Variants in KAZN observed in about 807,000 individuals in gnomAD.
The protein encoded by KAZN is kazrin.
A neutral mutation model predicts 87.4 loss-of-function variants in KAZN; 40 were observed. That is an observed-to-expected ratio of 0.46 (90% CI 0.36 to 0.60). The LOEUF (loss-of-function observed/expected upper bound fraction) is 0.60. KAZN is among the 20% of genes least tolerant of loss of function. The pLI, the probability that KAZN is intolerant of heterozygous loss-of-function variation, is 0.00. For synonymous variants in KAZN, 466 were observed against 458.3 expected, an observed-to-expected ratio of 1.02 and a Z score of -0.22; for missense variants, 898 against 1,073.9, an observed-to-expected ratio of 0.84 and a Z score of 2.29.
chr1:14,190,293 A>C (rs913395975), intron 2 of KAZN, among the ~76,000 whole-genome samples: 1 of 152,188 alleles, frequency 6.6e-6, no homozygotes, highest in Non-Finnish European at 1.5e-5. Flanking sequence ...TTGAGTACTT[A>C]CTAGACGCCA....
In KAZN at chr1:14,323,760, G is replaced by C. The variant is rs1656212009; in HGVS notation, c.249+143168G>C. On this transcript the variant is annotated intron_variant, in intron 2 of 16. Transcript: ENST00000636203. Reference sequence around the variant, plus strand: ...GATTTGCTGGACCACATCTTGGCAGGATCTTTATTAGAGATTCCTTAATCC... The same window carrying C: ...GATTTGCTGGACCACATCTTGGCAGCATCTTTATTAGAGATTCCTTAATCC... 2.0e-5 allele frequency among the ~76,000 whole-genome samples: 3 copies of C among 152,142 alleles called. No individual in the cohort carries two copies. In the South Asian group the frequency reaches 6.2e-4, roughly 31 times the overall value.
intron 2 of KAZN, among the ~76,000 whole-genome samples, chr1:14,550,700 C>T (rs1673443071): frequency 8.8e-6 from 1 of 113,240 alleles, no homozygotes; most frequent in Non-Finnish European, 1.8e-5. Context: ...CCTCTCTCCT[C>T]TTTTCTCTCT....
Position 15,056,124 on chromosome 1 carries a change from G to A in KAZN, c.760G>A (p.Val254Ile), listed in dbSNP as rs774659506. Residue 254 changes from valine (V) to isoleucine (I), a missense_variant, in exon 5 of 15, where the codon GTC becomes ATC. Coordinates refer to ENST00000376030, the MANE Select transcript of KAZN (RefSeq NM_201628.3). This position sits in a 1 kb window ranked among gnomAD's most constrained non-coding sequence, Gnocchi z 5.4. Reference protein sequence around the residue: ...KQSLATLTKDVPKRHSLAMPG... With the variant: ...KQSLATLTKDIPKRHSLAMPG... ...GTCCTTAGCTACGCTGACCAAGGAC[G>A]TCCCCAAGCGGCATTCCCTCGCCAT... 5.6e-6 allele frequency: 9 copies of A among 1,613,684 alleles called. No individual in the cohort carries two copies. The highest frequency in any genetic ancestry group is 7.6e-6 in the Non-Finnish European group (9 of 1,179,652).
At chr1:13,997,030 C>T (rs1297912041) in intron 1 of KAZN, among the ~76,000 whole-genome samples, 1 of 152,216 alleles carries the variant, frequency 6.6e-6, no homozygotes, top group African/African-American at 2.4e-5. Context: ...GTTCTCCAGC[C>T]TCCTCAAGTA....
At chr1:15,060,075 T>C in intron 5 of KAZN, 97 bp from the exon 6 acceptor site, 1 of 1,494,344 alleles carries the variant, frequency 6.7e-7, no homozygotes, top group Non-Finnish European at 9.1e-7. Context: ...AGTGTTCCCA[T>C]CTGTAGAACG....
At chr1:13,950,905 G>A (rs1316756508) in intron 1 of KAZN, among the ~76,000 whole-genome samples, 1 of 152,140 alleles carries the variant, frequency 6.6e-6, no homozygotes, top group Non-Finnish European at 1.5e-5. Flanking sequence ...GTATACAAAG[G>A]AAGGAATCGC....
intron 1 of KAZN, among the ~76,000 whole-genome samples, chr1:14,798,286 C>G (rs962945202): frequency 6.6e-6 from 1 of 152,048 alleles, no homozygotes; most frequent in Non-Finnish European, 1.5e-5. Context: ...CCCACACTTA[C>G]AAAGTAGAAC....
chr1:14,884,922 G>A (rs145006255), intron 1 of KAZN, among the ~76,000 whole-genome samples: 2 of 152,210 alleles, frequency 1.3e-5, no homozygotes, highest in South Asian at 2.1e-4. Context: ...GCCAACAGGC[G>A]GGGAGCAGAG....
At chr1:15,014,747 A>ATGGTCAGACAGTCAGCTTGTGGGGC in intron 2 of KAZN, among the ~76,000 whole-genome samples, 1 of 152,238 alleles carries the variant, frequency 6.6e-6, no homozygotes, top group Middle Eastern at 3.4e-3. Context: ...TTCTAAAGGG[A>ATGGTCAGACAGTCAGCTTGTGGGGC]TGGTCAGACA....
chr1:14,403,574 A>G (rs1663594956), intron 2 of KAZN, among the ~76,000 whole-genome samples: 1 of 152,222 alleles, frequency 6.6e-6, no homozygotes, highest in African/African-American at 2.4e-5. Context: ...AGAAAAGGAC[A>G]AAGAACCAAC....
intron 1 of KAZN, among the ~76,000 whole-genome samples, chr1:14,912,126 CAGAG>C (rs1333226321): frequency 9.1e-6 from 1 of 109,420 alleles, no homozygotes; most frequent in African/African-American, 3.7e-5. Context: ...GCCTGGGTAA[CAGAG>C]AGAGACTCCA....
At chr1:14,446,018 C>A (rs1041725973) in intron 2 of KAZN, among the ~76,000 whole-genome samples, 1 of 145,612 alleles carries the variant, frequency 6.9e-6, no homozygotes, top group Non-Finnish European at 1.5e-5. Context: ...TGGCAAGACC[C>A]CATCTCTACA....
At chr1:14,311,484 A>G (rs1445403964) in intron 2 of KAZN, among the ~76,000 whole-genome samples, 4 of 152,134 alleles carry the variant, frequency 2.6e-5, no homozygotes, top group Non-Finnish European at 4.4e-5. Context: ...GGGGCTATAG[A>G]GATTTAGAGA....
chr1:14,316,359 A>G (rs1019098026), intron 2 of KAZN, among the ~76,000 whole-genome samples: 1 of 152,032 alleles, frequency 6.6e-6, no homozygotes, highest in Admixed American at 6.6e-5. Flanking sequence ...GAAGTGGTAC[A>G]TAATATTTCC....
At chr1:14,597,731 C>A (rs1455434899), upstream of KAZN, among the ~76,000 whole-genome samples, 1 of 152,186 alleles carries the variant, frequency 6.6e-6, no homozygotes, top group African/African-American at 2.4e-5. Flanking sequence ...GCCCTGTTGA[C>A]CAGAGGGTTG....
intron 4 of KAZN, among the ~76,000 whole-genome samples, chr1:15,051,920 C>G (rs2100446281): frequency 6.6e-6 from 1 of 152,342 alleles, no homozygotes. Flanking sequence ...CTAGTTCTGT[C>G]TGACTTTTGT....
At chr1:14,254,913 G>A (rs1234668312) in intron 2 of KAZN, among the ~76,000 whole-genome samples, 2 of 151,906 alleles carry the variant, frequency 1.3e-5, no homozygotes, top group Non-Finnish European at 2.9e-5. Context: ...AGGAGGTCAG[G>A]AGTTCGAGAC....
At chr1:14,786,960 T>A (rs1192802209) in intron 1 of KAZN, among the ~76,000 whole-genome samples, 4 of 152,180 alleles carry the variant, frequency 2.6e-5, no homozygotes, top group Non-Finnish European at 5.9e-5. Flanking sequence ...AGAGTCAACA[T>A]TTTGAATCAT....
At chr1:14,099,756 C>T (rs114622872) in intron 1 of KAZN, among the ~76,000 whole-genome samples, 14,072 of 152,152 alleles carry the variant, frequency 0.092, 2,063 homozygotes, top group African/African-American at 0.31. Context: ...AAAGTGGCCG[C>T]TTTCTGCTCT....
Sources: allele counts gnomAD v4.1 joint callset (sites outside exome capture counted in the v4.1 genomes callset), GRCh38; gene constraint gnomAD v4.1.1; non-coding constraint Gnocchi (gnomAD v3.1); transcripts MANE v1.5; gene names NCBI Gene and HGNC (gene_info 2026-07-23, HGNC 2026-07-21).